The following ARHGEF4 variants were observed in gnomAD, a reference collection of about 807,000 sequenced individuals.
The protein encoded by ARHGEF4 is Rho guanine nucleotide exchange factor 4.
A neutral mutation model predicts 162.0 loss-of-function variants in ARHGEF4; 119 were observed. The observed-to-expected ratio is 0.73, with a 90% CI of 0.63 to 0.86. The LOEUF (loss-of-function observed/expected upper bound fraction) is 0.86. Among genes scored for constraint, ARHGEF4 ranks in the 40% least tolerant of loss-of-function variants. The pLI is 0.00. For missense variants in ARHGEF4, 2,488 were observed against 2,456.0 expected, an observed-to-expected ratio of 1.01 and a Z score of -0.28; for synonymous variants, 1,014 against 979.9, an observed-to-expected ratio of 1.03 and a Z score of -0.65.
At chr2:130,977,015 AGTGT>A (rs1374275745) in intron 4 of ARHGEF4, among the ~76,000 whole-genome samples, 1 of 149,462 alleles carries the variant, frequency 6.7e-6, no homozygotes, top group Non-Finnish European at 1.5e-5. Flanking sequence ...ATGTGTTTGC[AGTGT>A]GTGTTAAGTG....
At chr2:131,042,580 A>G (rs754555700) in intron 10 of ARHGEF4, among the ~76,000 whole-genome samples, 4 of 152,224 alleles carry the variant, frequency 2.6e-5, no homozygotes, top group Non-Finnish European at 4.4e-5. Flanking sequence ...ATCAATCAGT[A>G]TCAGCCACAG....
chr2:130,878,634 T>A (rs1271688035), intron 1 of ARHGEF4, among the ~76,000 whole-genome samples: 2 of 152,180 alleles, frequency 1.3e-5, no homozygotes, highest in Admixed American at 1.3e-4. Context: ...CCAGGCTGTG[T>A]ATTCTTGGCT....
At chr2:131,012,438 A>C (rs2105335027) in intron 4 of ARHGEF4, among the ~76,000 whole-genome samples, 2 of 152,322 alleles carry the variant, frequency 1.3e-5, no homozygotes, top group South Asian at 4.1e-4. Context: ...AAGTGAACGC[A>C]AGCCTGGCTG....
Position 130,916,908 on chromosome 2 carries a change from T to C in ARHGEF4, c.2962T>C (p.Cys988Arg), listed in dbSNP as rs761098396. The C allele has an allele frequency of 7.7e-6, 12 of 1,550,516 alleles. No individual in the cohort carries two copies. Among genetic ancestry groups the C allele is most frequent in the Middle Eastern group, 1.7e-4 (1 of 5,992 alleles). ...CTCCCCAGCAGAGACCGACAGCCAC[T>C]GTGAGGAACGGGCGGAGGACAAAGA... ...VLSPAETDSH[C>R]EERAEDKEGY... The change falls in exon 2 of 14, where the codon TGT becomes CGT. Residue 988 changes from cysteine (C) to arginine (R), a missense_variant. By Grantham distance (180) the Cys-to-Arg change is radical (BLOSUM62 -3). Transcript: ENST00000409359.
chr2:130,896,673 T>C (rs931202703), intron 1 of ARHGEF4, among the ~76,000 whole-genome samples: 3 of 152,222 alleles, frequency 2.0e-5, no homozygotes, highest in Non-Finnish European at 4.4e-5. Context: ...CCAGTAATTT[T>C]CACATTTCTT....
chr2:130,857,148 C>T (rs549105586), intron 1 of ARHGEF4, among the ~76,000 whole-genome samples: 55 of 152,248 alleles, frequency 3.6e-4, no homozygotes, highest in East Asian at 5.8e-4. Context: ...AGAAGAATGG[C>T]ATGAACCCGG....
intron 1 of ARHGEF4, among the ~76,000 whole-genome samples, chr2:130,867,149 T>C (rs1010595190): frequency 2.6e-5 from 4 of 152,076 alleles, no homozygotes; most frequent in Non-Finnish European, 5.9e-5. Context: ...ATTTTCAAAC[T>C]GGGGGGTATA....
In ARHGEF4 at chr2:130,916,855, T is replaced by A; in HGVS notation, c.2909T>A (p.Val970Glu). 1 of 1,550,246 alleles carries A rather than the reference T, an allele frequency of 6.5e-7. No homozygotes were observed. Among genetic ancestry groups the A allele is most frequent in the Admixed American group, 2.0e-5 (1 of 50,988 alleles). Residue 970 changes from valine to glutamate, a missense_variant, in exon 2 of 14, where the codon GTG becomes GAG. By Grantham distance (121) the Val-to-Glu change is moderately radical (BLOSUM62 -2). Around this residue, in one of 6 missense-constraint regions of ARHGEF4, gnomAD observed 1,642 missense variants for 1,481.5 expected, o/e 1.11. Coordinates refer to ENST00000409359, the MANE Select transcript of ARHGEF4 (RefSeq NM_001367493.1). ...GGAAGCCCCAAAAAGCCCACCCTAG[T>A]GAGTCTGCCTCTAGGACCCGAAGTT... is the stretch of plus-strand genomic sequence containing the variant. ...DAGSPKKPTL[V>E]SLPLGPEVLS...
intron 4 of ARHGEF4, among the ~76,000 whole-genome samples, chr2:130,966,970 T>C (rs1417767601): frequency 2.0e-5 from 3 of 152,198 alleles, no homozygotes; most frequent in African/African-American, 7.2e-5. Flanking sequence ...TGCATTTCTC[T>C]CTTAAGGAAG....
chr2:130,940,642 C>A (rs1282445910), intron 3 of ARHGEF4, among the ~76,000 whole-genome samples: 1 of 149,256 alleles, frequency 6.7e-6, no homozygotes, highest in Non-Finnish European at 1.5e-5. Context: ...AGATCGAGAC[C>A]ACGGTGAAAC....
chr2:130,864,633 A>T (rs775445587), intron 1 of ARHGEF4, among the ~76,000 whole-genome samples: 2 of 152,204 alleles, frequency 1.3e-5, no homozygotes, highest in Non-Finnish European at 2.9e-5. Flanking sequence ...CTGAGGCAGG[A>T]CAATTGCTGG....
intron 4 of ARHGEF4, among the ~76,000 whole-genome samples, chr2:130,984,138 G>A (rs1207153990): frequency 6.6e-6 from 1 of 152,136 alleles, no homozygotes; most frequent in East Asian, 1.9e-4. Context: ...GCCCCAGTAG[G>A]TAATCTGGTG....
chr2:130,838,499 G>C (rs565133349), intron 1 of ARHGEF4, among the ~76,000 whole-genome samples: 13 of 152,246 alleles, frequency 8.5e-5, no homozygotes, highest in African/African-American at 2.9e-4. Context: ...CCAGCTACTT[G>C]GGAGTCTGAG....
At chr2:130,910,791 T>G (rs1244567402) in intron 1 of ARHGEF4, among the ~76,000 whole-genome samples, 7 of 152,202 alleles carry the variant, frequency 4.6e-5, no homozygotes, top group Non-Finnish European at 4.4e-5. Context: ...GATGACTCTT[T>G]GATGACAGTG....
At chr2:130,849,989 C>T (rs788197) in intron 1 of ARHGEF4, among the ~76,000 whole-genome samples, 10,985 of 152,318 alleles carry the variant, frequency 0.072, 1,314 homozygotes, top group African/African-American at 0.25. Context: ...TTAGTGGCAT[C>T]TTTGTAAGCA....
In ARHGEF4 at chr2:130,916,134, G is replaced by C. The variant is rs113510214; in HGVS notation, c.2188G>C (p.Glu730Gln). 4,261 of 1,549,494 alleles carry C rather than the reference G, an allele frequency of 2.7e-3. 93 individuals are homozygous for C. In the African/African-American group the frequency reaches 0.051, roughly 18 times the overall value. ...QAASEETPST[E>Q]EPPGERLRGE... ...TGCTTCGGAAGAGACGCCGAGCACAGAGGAGCCCCCGGGAGAGAGACTGCG... is the reference window on the plus strand; with the variant it reads ...TGCTTCGGAAGAGACGCCGAGCACACAGGAGCCCCCGGGAGAGAGACTGCG... The change falls in exon 2 of 14, where the codon GAG becomes CAG. Residue 730 changes from glutamate (E) to glutamine (Q), a missense_variant. Glu to Gln is a conservative substitution (Grantham distance 29). Around this residue, in one of 6 missense-constraint regions of ARHGEF4, gnomAD observed 1,642 missense variants for 1,481.5 expected, o/e 1.11. Coordinates refer to ENST00000409359, the MANE Select transcript of ARHGEF4 (RefSeq NM_001367493.1).
chr2:130,923,634 A>G (rs1444831672), intron 2 of ARHGEF4, among the ~76,000 whole-genome samples: 1 of 152,224 alleles, frequency 6.6e-6, no homozygotes, highest in Non-Finnish European at 1.5e-5. Context: ...CAGTCAATAA[A>G]TTAGTGAGCG....
At chr2:130,935,808 C>T (rs1241409393) in intron 3 of ARHGEF4, among the ~76,000 whole-genome samples, 6 of 152,238 alleles carry the variant, frequency 3.9e-5, no homozygotes, top group African/African-American at 7.2e-5. Flanking sequence ...TGGCCATGCA[C>T]GTAATCCCAG....
chr2:131,011,711 A>G, intron 4 of ARHGEF4: 1 of 1,453,064 alleles, frequency 6.9e-7, no homozygotes, highest in East Asian at 2.5e-5. Context: ...CCAGATGGGC[A>G]GCAAGCTTTG....
Sources: gnomAD v4.1 joint callset for allele counts (sites outside exome capture counted in the v4.1 genomes callset) on GRCh38, gnomAD v4.1.1 for gene constraint, gnomAD v4.1.1 regional missense constraint, MANE v1.5 for transcripts, NCBI Gene and HGNC (gene_info 2026-07-23, HGNC 2026-07-21) for gene names.